Variants in NEB observed in about 807,000 individuals in gnomAD.
NEB encodes the protein nemaline myopathy type 2.
Under a neutral mutation model 952.2 loss-of-function variants are expected in NEB, and 512 were observed. The observed-to-expected ratio is 0.54, with a 90% CI of 0.50 to 0.58. The LOEUF (loss-of-function observed/expected upper bound fraction) is 0.58, where lower values mean the gene tolerates loss of function less well. Ranked by LOEUF, NEB falls within the 20% of genes least tolerant of loss-of-function variation. The probability of loss-of-function intolerance (pLI) is 0.00; values close to 1 mark genes in which losing one functional copy is unlikely to be tolerated. For synonymous variants in NEB, 2,900 were observed against 3,149.8 expected (o/e 0.92, Z 2.66); for missense variants, 8,428 against 9,231.1 (o/e 0.91, Z 3.56).
At chr2:151,675,069 C>A (rs1198497899) in intron 35 of NEB, among the ~76,000 whole-genome samples, 1 of 152,154 alleles carries the variant, frequency 6.6e-6, no homozygotes, top group Non-Finnish European at 1.5e-5. Flanking sequence ...GTGAGCTCTA[C>A]CATCCCCTAA....
At chr2:151,563,159 C>A (rs2096188465) in intron 119 of NEB, among the ~76,000 whole-genome samples, 1 of 151,830 alleles carries the variant, frequency 6.6e-6, no homozygotes, top group Non-Finnish European at 1.5e-5. Flanking sequence ...GAATTACAGG[C>A]ATGCACCACC....
At chr2:151,702,559 G>A (rs1470132391) in intron 13 of NEB, among the ~76,000 whole-genome samples, 1 of 151,718 alleles carries the variant, frequency 6.6e-6, no homozygotes, top group African/African-American at 2.4e-5. Context: ...CCTGTATTGG[G>A]TGCATATATA....
Position 151,518,370 on chromosome 2 carries a change from G to A in NEB, c.22748C>T (p.Pro7583Leu). ...EKSKGHYHTI[P>L]DNLEQLHLKE... Reference sequence around the variant, plus strand: ...TAGGTGAAGCTGCTCCAGATTATCGGGTATGGTGTGGTAGTGGCCTTTACT... The same window carrying A: ...TAGGTGAAGCTGCTCCAGATTATCGAGTATGGTGTGGTAGTGGCCTTTACT... Residue 7583 changes from proline (P) to leucine (L), a missense_variant, in exon 156 of 182, where the codon CCC (proline) becomes CTC (leucine). Physicochemically the swap from Pro to Leu is moderately conservative, Grantham distance 98 (BLOSUM62 -3). Transcript: ENST00000397345. 1 of 1,612,462 alleles carries A rather than the reference G, an allele frequency of 6.2e-7. No homozygotes were observed. Among genetic ancestry groups the A allele is most frequent in the Non-Finnish European group, 8.5e-7 (1 of 1,178,662 alleles).
At chr2:151,616,494 G>C (rs1178344285) in intron 75 of NEB, among the ~76,000 whole-genome samples, 2 of 152,146 alleles carry the variant, frequency 1.3e-5, no homozygotes, top group African/African-American at 2.4e-5. Flanking sequence ...TTTGAGAAGA[G>C]ACCAGCCTGG....
chr2:151,563,956 A>C, intron 117 of NEB, 26 bp from the exon 118 acceptor site: 1 of 1,528,452 alleles, frequency 6.5e-7, no homozygotes, highest in African/African-American at 1.4e-5. Context: ...ACATGGCAAC[A>C]AAAGTTTTCT....
chr2:151,551,937 T>C, intron 128 of NEB, 92 bp from the exon 129 acceptor site: 2 of 853,478 alleles, frequency 2.3e-6, no homozygotes, highest in Non-Finnish European at 1.9e-6. Flanking sequence ...TCCCTTTGCC[T>C]GGAGAACTCA....
In NEB at chr2:151,633,844, T is replaced by C. The variant is rs2098711504; in HGVS notation, c.9224A>G (p.Tyr3075Cys). 6.2e-7 allele frequency: 1 copy of C among 1,614,042 alleles called. No individual in the cohort carries two copies. Among genetic ancestry groups the C allele is most frequent in the Non-Finnish European group, 8.5e-7 (1 of 1,179,884 alleles). Residue 3075 changes from tyrosine to cysteine, a missense_variant, in exon 65 of 182, where the codon TAC (tyrosine) becomes TGC (cysteine). By Grantham distance (194) the Tyr-to-Cys change is radical. Around this residue, in one of 11 missense-constraint regions of NEB, gnomAD observed 1,772 missense variants for 1,960.3 expected, o/e 0.90. Transcript: ENST00000397345. ...CTTCCACTTCTCAAAGTCCTTTTTG[T>C]ACTCCCTGTCACTCTGGATCTTGGC... Reference protein sequence around the residue: ...HVAKIQSDREYKKDFEKWKTK... With the variant: ...HVAKIQSDRECKKDFEKWKTK...
chr2:151,727,053 TAA>T (rs796713907), intron 5 of NEB, among the ~76,000 whole-genome samples: 18 of 124,772 alleles, frequency 1.4e-4, no homozygotes, highest in Admixed American at 6.5e-4. Context: ...TTCTGTTTCT[TAA>T]AAAAAAAAAA....
Position 151,674,527 on chromosome 2 carries a change from C to T in NEB, c.3937G>A (p.Asp1313Asn), listed in dbSNP as rs1319958793. Residue 1313 changes from aspartate (D) to asparagine (N), a missense_variant, in exon 36 of 182, where the codon GAT becomes AAT. Transcript: ENST00000397345. Reference sequence around the variant, plus strand: ...TTGGCTGCAGTGATGGGAATAGCATCGCCCAGCACATTGTTGCCCTTGGCT... The same window carrying T: ...TTGGCTGCAGTGATGGGAATAGCATTGCCCAGCACATTGTTGCCCTTGGCT... ...LIAKGNNVLGDAIPITAAKAS... is the reference protein window; with the variant it reads ...LIAKGNNVLGNAIPITAAKAS... The T allele has an allele frequency of 4.3e-6, 7 of 1,613,836 alleles. No individual in the cohort carries two copies. The highest frequency in any genetic ancestry group is 2.2e-5 in the East Asian group (1 of 44,898).
In NEB at chr2:151,610,896, G is replaced by C. The variant is rs749616883; in HGVS notation, c.11806-30C>G. 1.1e-5 allele frequency: 15 copies of C among 1,377,416 alleles called. 1 individual carries two copies. The South Asian group carries it at 1.9e-4, about 18-fold the overall frequency. 85.3% of individuals were successfully genotyped at this position (1,377,416 alleles called of 1,614,324 possible). On this transcript the variant is annotated intron_variant, in intron 78 of 181. Transcript: ENST00000397345. ...AGGGCAGGGCGGCATGGGGCATGGG[G>C]AGAGGGAGGGAGTATAAGACCTTCT...
At chr2:151,639,803 T>C in intron 62 of NEB, 54 bp downstream of exon 62, 4 of 1,435,264 alleles carry the variant, frequency 2.8e-6, no homozygotes, top group Non-Finnish European at 3.8e-6. Flanking sequence ...ATGTTTCTTT[T>C]TTGTTGATTC....
At position 151,642,670 on chromosome 2, in the gene NEB, C is replaced by CT. The variant is rs2098891653; in HGVS notation, c.8276dup (p.Leu2760AlafsTer12). The CT allele has an allele frequency of 6.2e-7, 1 of 1,613,682 alleles. No individual in the cohort carries two copies. The highest frequency in any genetic ancestry group is 8.5e-7 in the Non-Finnish European group (1 of 1,179,788). ...TCCTCTTGGCTTCTTCTAGGCCAAG[C>CT]TTATACAATTTCTAAAATAGACATT... On this transcript the variant is annotated frameshift_variant, in exon 60 of 182. Transcript: ENST00000397345. LOFTEE classifies it high-confidence loss of function.
intron 118 of NEB, 29 bp from the exon 119 acceptor site, chr2:151,563,748 G>A (rs761296947): frequency 6.8e-6 from 11 of 1,607,740 alleles, no homozygotes; most frequent in Admixed American, 6.7e-5. Flanking sequence ...ATTGAGAATC[G>A]CTGGAGTTTC....
chr2:151,682,717 G>A lies in NEB; in HGVS notation c.2888C>T (p.Pro963Leu). 6.2e-7 allele frequency: 1 copy of A among 1,613,316 alleles called. No homozygotes were observed. The highest frequency in any genetic ancestry group is 8.5e-7 in the Non-Finnish European group (1 of 1,179,556). ...NSWMKGCGWV[P>L]FGSLEMEKAK... is the part of the protein sequence containing the mutation. Reference sequence around the variant, plus strand: ...CTTTTCCATTTCTAAGGACCCAAAAGGCACCCAGCCACAACCTTTCATCCA... The same window carrying A: ...CTTTTCCATTTCTAAGGACCCAAAAAGCACCCAGCCACAACCTTTCATCCA... The change falls in exon 29 of 182, where the codon CCT becomes CTT. Residue 963 changes from proline (P) to leucine (L), a missense_variant. Transcript: ENST00000397345.
chr2:151,690,730 A>G lies in NEB; in HGVS notation c.2307T>C (p.Ser769=), dbSNP rs748020383. 1 of 1,584,092 alleles carries G rather than the reference A, an allele frequency of 6.3e-7. No homozygotes were observed. Among genetic ancestry groups the G allele is most frequent in the South Asian group, 1.2e-5 (1 of 86,350 alleles). Residue 769 remains serine (S), a synonymous_variant, in exon 24 of 182, where the codon AGT becomes AGC. Transcript: ENST00000397345. Reference sequence around the variant, plus strand: ...TTGCATAAATCAAAGCACTTACATCACTAAGCTGTTTCGTGTTGAGCTGGG... The same window carrying G: ...TTGCATAAATCAAAGCACTTACATCGCTAAGCTGTTTCGTGTTGAGCTGGG... ...LQAQLNTKQL[S]DLNYKAKHEG...
intron 141 of NEB, among the ~76,000 whole-genome samples, chr2:151,536,915 G>T (rs919414242): frequency 4.6e-5 from 7 of 152,128 alleles, no homozygotes; most frequent in Admixed American, 3.9e-4. Context: ...GGGTTGAACA[G>T]AGTTGATTTT....
rs777221165 is a variant in NEB at position 151,538,175 on chromosome 2, C to A, written c.20962G>T (p.Val6988Phe). The A allele has an allele frequency of 6.2e-7, 1 of 1,612,734 alleles. No homozygotes were observed. Among genetic ancestry groups the A allele is most frequent in the Non-Finnish European group, 8.5e-7 (1 of 1,178,992 alleles). The change falls in exon 139 of 182, where the codon GTC (valine) becomes TTC (phenylalanine). Residue 6988 changes from valine to phenylalanine, a missense_variant. Around this residue, in one of 11 missense-constraint regions of NEB, gnomAD observed 3,374 missense variants for 3,651.5 expected, o/e 0.92. Transcript: ENST00000397345. ...TCATCTGTGACTTTGCGATGATAGA[C>A]AATGTCTAGGGCATCTTTCACCGTG... ...YHTVKDALDI[V>F]YHRKVTDDIS...
Position 151,516,523 on chromosome 2 carries a change from G to T in NEB, c.22841C>A (p.Pro7614His), listed in dbSNP as rs1182955893. Reference sequence around the variant, plus strand: ...CGTTGGTGTTTCAAAGTCCAGCATGGGTTTTCCTCGTTCCTTTTCATACTT... The same window carrying T: ...CGTTGGTGTTTCAAAGTCCAGCATGTGTTTTCCTCGTTCCTTTTCATACTT... ...KEKYEKERGK[P>H]MLDFETPTYI... The change falls in exon 157 of 182, where the codon CCC becomes CAC. Residue 7614 changes from proline to histidine, a missense_variant. Coordinates refer to ENST00000397345, the MANE Select transcript of NEB (RefSeq NM_001164508.2). 1 of 1,613,184 alleles carries T rather than the reference G, an allele frequency of 6.2e-7. No individual in the cohort carries two copies. The highest frequency in any genetic ancestry group is 8.5e-7 in the Non-Finnish European group (1 of 1,179,418).
chr2:151,541,416 G>C, intron 136 of NEB, 31 bp downstream of exon 136: 1 of 1,548,574 alleles, frequency 6.5e-7, no homozygotes, highest in Non-Finnish European at 8.9e-7. Context: ...TGTGATGCCT[G>C]AGTGGCAGGC....
Sources: allele counts gnomAD v4.1 joint callset (sites outside exome capture counted in the v4.1 genomes callset), GRCh38; gene constraint gnomAD v4.1.1; regional missense constraint gnomAD v4.1.1; transcripts MANE v1.5; gene names NCBI Gene and HGNC (gene_info 2026-07-23, HGNC 2026-07-21).